SENP3: variants seen among roughly 807,000 people sequenced by gnomAD.
The protein encoded by SENP3 is SUMO specific peptidase 3.
A neutral mutation model predicts 66.2 loss-of-function variants in SENP3; 11 were observed. The ratio of observed to expected loss-of-function variants is 0.17; its 90% CI spans 0.10 to 0.28. The LOEUF is 0.28. SENP3 is among the 10% of genes least tolerant of loss of function. SENP3 has a pLI of 1.00. For synonymous variants in SENP3, 292 were observed against 277.6 expected, an observed-to-expected ratio of 1.05 and a Z score of -0.52; for missense variants, 548 against 743.7, an observed-to-expected ratio of 0.74 and a Z score of 3.06.
intron 7 of SENP3, among the ~76,000 whole-genome samples, chr17:7,568,378 G>A (rs1340016686): frequency 1.3e-5 from 2 of 152,288 alleles, no homozygotes; most frequent in East Asian, 1.9e-4. Context: ...CAGATGGATC[G>A]CAAGGTCAAG....
At position 7,564,983 on chromosome 17, in the gene SENP3, C is replaced by G; in HGVS notation, c.980C>G (p.Thr327Arg). ...GGCATCTTGGACGAATTCCTTCAAA[C>G]GTATGGCAGCCTCATACCCCTCAGC... is the stretch of plus-strand genomic sequence containing the variant. The part of the protein sequence containing the change: ...VQSILDEFLQ[T>R]YGSLIPLSTD... Residue 327 changes from threonine to arginine, a missense_variant, in exon 4 of 11, where the codon ACG (threonine) becomes AGG (arginine). Transcript: ENST00000321337. 1 of 1,613,424 alleles carries G rather than the reference C, an allele frequency of 6.2e-7. No homozygotes were observed. Among genetic ancestry groups the G allele is most frequent in the Non-Finnish European group, 8.5e-7 (1 of 1,179,404 alleles).
chr17:7,571,503 A>G lies in SENP3; in HGVS notation c.*20A>G. 1 of 1,582,386 alleles carries G rather than the reference A, an allele frequency of 6.3e-7. No individual in the cohort carries two copies. On this transcript the variant is annotated 3_prime_UTR_variant, in exon 11 of 11. Transcript: ENST00000321337. ...GTGTGAGCCTCGTACCCCAGACCCC[A>G]AGCCCATAAATGGGAAGGGAGACAT...
rs377137966 is a variant in SENP3 at position 7,565,592 on chromosome 17, G to A, written c.1215+5G>A. 1.3e-5 allele frequency: 21 copies of A among 1,613,780 alleles called. No homozygotes were observed. The highest frequency in any genetic ancestry group is 1.8e-5 in the Non-Finnish European group (21 of 1,179,842). Reference sequence around the variant, plus strand: ...CAGAACTGGCTCAATGACCAGGTGAGAAAGGGTAGAGAAACAGGCCTGAGA... The same window carrying A: ...CAGAACTGGCTCAATGACCAGGTGAAAAAGGGTAGAGAAACAGGCCTGAGA... On this transcript the variant is annotated splice_donor_5th_base_variant and intron_variant, in intron 5 of 10. Coordinates refer to ENST00000321337, the MANE Select transcript of SENP3 (RefSeq NM_015670.6).
chr17:7,568,465 G>A (rs11870250), intron 7 of SENP3, among the ~76,000 whole-genome samples: 4 of 152,054 alleles, frequency 2.6e-5, no homozygotes, highest in Admixed American at 2.6e-4. Context: ...GCGTGGTGGC[G>A]TGCGCCTGTA....
In SENP3 at chr17:7,566,011, G is replaced by A. The variant is rs556051534; in HGVS notation, c.1263+247G>A. 203 of 408,588 alleles carry A rather than the reference G, an allele frequency of 5.0e-4. 2 individuals are homozygous for A. The South Asian group carries it at 5.6e-3, about 11-fold the overall frequency. The allele number at this position is 408,588 out of a possible 1,614,324, so 25.3% of individuals were successfully genotyped here. On this transcript the variant is annotated intron_variant, in intron 6 of 10. Transcript: ENST00000321337. Reference sequence around the variant, plus strand: ...CCAAGGATTGGGATGGGTTCCTATTGTAACTATTGTAAAACAAGATTTAAA... The same window carrying A: ...CCAAGGATTGGGATGGGTTCCTATTATAACTATTGTAAAACAAGATTTAAA...
chr17:7,563,865 T>A, intron 2 of SENP3, 74 bp downstream of exon 2: 1 of 1,306,830 alleles, frequency 7.7e-7, no homozygotes, highest in Non-Finnish European at 1.0e-6. Context: ...ACCAGGAGCC[T>A]GTTGCCATGG....
chr17:7,564,398 C>T (rs1567728445), intron 2 of SENP3: 17 of 704,704 alleles, frequency 2.4e-5, no homozygotes, highest in Admixed American at 1.5e-4. Context: ...TTTCTTTCTT[C>T]CTGTCTATGA....
At chr17:7,565,403 A>T (rs777617410) in intron 4 of SENP3, 37 bp from the exon 5 acceptor site, 16 of 1,610,230 alleles carry the variant, frequency 9.9e-6, no homozygotes, top group Non-Finnish European at 1.4e-5. Context: ...CCCCAGCTGC[A>T]TCATCTTTTG....
rs996766384 is a variant in SENP3 at position 7,562,233 on chromosome 17, C to T, written c.-42C>T. On this transcript the variant is annotated 5_prime_UTR_variant, in exon 1 of 11. Transcript: ENST00000321337. This position sits in a 1 kb window ranked among gnomAD's most constrained non-coding sequence, Gnocchi z 5.0. Reference sequence around the variant, plus strand: ...GCTTGAGGCCGGAGACGCCCGCCTTCGGGCCCGTCCGCCCGGCTTCCCCGC... The same window carrying T: ...GCTTGAGGCCGGAGACGCCCGCCTTTGGGCCCGTCCGCCCGGCTTCCCCGC... The T allele has an allele frequency of 1.3e-5, 5 of 398,442 alleles. No individual in the cohort carries two copies. The highest frequency in any genetic ancestry group is 2.2e-5 in the Non-Finnish European group (5 of 225,984). 24.7% of individuals were successfully genotyped at this position (398,442 alleles called of 1,614,324 possible). A position where few individuals can be genotyped will look rare whatever the true frequency, so the allele number is the denominator to read the frequency against.
At position 7,566,917 on chromosome 17, in the gene SENP3, A is replaced by G. The variant is rs1254500612; in HGVS notation, c.1264-10A>G. ...TAATTCCATTGAGCTTTTTTGTGTC[A>G]TTGGCACAGGTGCATTTCTTCAATA... On this transcript the variant is annotated splice_polypyrimidine_tract_variant and intron_variant, in intron 6 of 10. Coordinates refer to ENST00000321337, the MANE Select transcript of SENP3 (RefSeq NM_015670.6). 6 of 1,551,424 alleles carry G rather than the reference A, an allele frequency of 3.9e-6. No homozygotes were observed. The highest frequency in any genetic ancestry group is 2.7e-5 in the African/African-American group (2 of 73,258).
chr17:7,565,560 G>A lies in SENP3; in HGVS notation c.1188G>A (p.Leu396=). The change falls in exon 5 of 11, where the codon TTG becomes TTA. Residue 396 remains leucine (L), a synonymous_variant. Coordinates refer to ENST00000321337, the MANE Select transcript of SENP3 (RefSeq NM_015670.6). ...HVLTMDDLGT[L]YGQNWLNDQV... is the part of the protein sequence containing the mutation. Reference sequence around the variant, plus strand: ...TGACCATGGATGACTTGGGGACCTTGTATGGACAGAACTGGCTCAATGACC... The same window carrying A: ...TGACCATGGATGACTTGGGGACCTTATATGGACAGAACTGGCTCAATGACC... 6.2e-7 allele frequency: 1 copy of A among 1,613,922 alleles called. No individual in the cohort carries two copies. Among genetic ancestry groups the A allele is most frequent in the Non-Finnish European group, 8.5e-7 (1 of 1,179,864 alleles).
intron 7 of SENP3, among the ~76,000 whole-genome samples, chr17:7,569,630 A>C (rs1180137395): frequency 6.6e-6 from 1 of 152,188 alleles, no homozygotes; most frequent in Non-Finnish European, 1.5e-5. Flanking sequence ...TCAGTCCTCA[A>C]AATCAAGAGC....
Position 7,568,595 on chromosome 17 carries a change from GA to G in SENP3, c.1341+1600del, listed in dbSNP as rs1168633643. ...CAGAGTGAAACTCTGTCTCAAAAAA[GA>G]AAAAAAAACCCGAGAGGAGGAGTTT... On this transcript the variant is annotated intron_variant, in intron 7 of 10. Transcript: ENST00000321337. 2.0e-5 allele frequency among the ~76,000 whole-genome samples: 3 copies of G among 150,438 alleles called. No individual in the cohort carries two copies. In the South Asian group the frequency reaches 6.3e-4, roughly 32 times the overall value.
chr17:7,564,462 C>G (rs1481652607), intron 2 of SENP3, 163 bp from the exon 3 acceptor site: 10 of 971,886 alleles, frequency 1.0e-5, no homozygotes, highest in Non-Finnish European at 1.3e-5. Flanking sequence ...TTATCTCATG[C>G]TTATGGGGTC....
In SENP3 at chr17:7,571,842, TATATATATATATATATATATATATA is replaced by T. The variant is rs2071320060; in HGVS notation, c.*360_*384del. 0.029 allele frequency: 583 copies of T among 19,948 alleles called. 97 individuals carry two copies. Among genetic ancestry groups the T allele is most frequent in the Middle Eastern group, 0.097 (7 of 72 alleles). The allele number at this position is 19,948 out of a possible 1,614,324, so 1.2% of individuals were successfully genotyped here. A position where few individuals can be genotyped will look rare whatever the true frequency, so the allele number is the denominator to read the frequency against. ...CCTGCCAGATCTTCAAACTTTTATA[TATATATATATATATATATATATATA>T]TATATATATATATATATATATATAT... On this transcript the variant is annotated 3_prime_UTR_variant, in exon 11 of 11. Transcript: ENST00000321337.
At chr17:7,566,534 C>T (rs2071270180) in intron 6 of SENP3, among the ~76,000 whole-genome samples, 1 of 147,638 alleles carries the variant, frequency 6.8e-6, no homozygotes, top group Non-Finnish European at 1.5e-5. Flanking sequence ...GGCATAGTGG[C>T]GGGTACCTGT....
At chr17:7,568,512 C>T (rs1460163323) in intron 7 of SENP3, among the ~76,000 whole-genome samples, 1 of 152,134 alleles carries the variant, frequency 6.6e-6, no homozygotes, top group African/African-American at 2.4e-5. Flanking sequence ...TCGCTTGAAC[C>T]CGGGAGGCAG....
In SENP3 at chr17:7,565,039, A is replaced by G. The variant is rs1249165160; in HGVS notation, c.1036A>G (p.Ile346Val). ...TDEVVEKLED[I>V]FQQEFSTPSR... The stretch of plus-strand genomic sequence containing the variant: ...TGAGGTAGTAGAGAAGCTGGAGGAC[A>G]TTTTCCAGCAGGAGTTTTCCACCCC... Residue 346 changes from isoleucine (I) to valine (V), a missense_variant, in exon 4 of 11, where the codon ATT becomes GTT. Ile to Val is a conservative substitution (Grantham distance 29). This residue lies in a region of SENP3 where 72 missense variants were observed against 137.9 expected (regional missense o/e 0.52). Transcript: ENST00000321337. 3 of 1,613,580 alleles carry G rather than the reference A, an allele frequency of 1.9e-6. No individual in the cohort carries two copies. Among genetic ancestry groups the G allele is most frequent in the South Asian group, 1.1e-5 (1 of 91,074 alleles).
In SENP3 at chr17:7,571,542, C is replaced by A; in HGVS notation, c.*59C>A. Reference sequence around the variant, plus strand: ...GAAGGGAGACATGGGAGTCCCTTCCCAAGAAACTCCAGTTCCTTTCCTCTC... The same window carrying A: ...GAAGGGAGACATGGGAGTCCCTTCCAAAGAAACTCCAGTTCCTTTCCTCTC... On this transcript the variant is annotated 3_prime_UTR_variant, in exon 11 of 11. Coordinates refer to ENST00000321337, the MANE Select transcript of SENP3 (RefSeq NM_015670.6). 1.7e-6 allele frequency: 2 copies of A among 1,168,674 alleles called. No individual in the cohort carries two copies. Among genetic ancestry groups the A allele is most frequent in the South Asian group, 2.5e-5 (2 of 80,242 alleles). 72.4% of individuals were successfully genotyped at this position (1,168,674 alleles called of 1,614,324 possible).
Sources: allele counts gnomAD v4.1 joint callset (sites outside exome capture counted in the v4.1 genomes callset), GRCh38; gene constraint gnomAD v4.1.1; regional missense constraint gnomAD v4.1.1; non-coding constraint Gnocchi (gnomAD v3.1); transcripts MANE v1.5; gene names NCBI Gene and HGNC (gene_info 2026-07-23, HGNC 2026-07-21).